Variants in MAEL observed in about 807,000 individuals in gnomAD.
MAEL encodes maelstrom spermatogenic transposon silencer.
Under a neutral mutation model 62.0 loss-of-function variants are expected in MAEL, and 46 were observed. The observed-to-expected ratio is 0.74, with a 90% CI of 0.59 to 0.95. The LOEUF is 0.95. Ranked by LOEUF, MAEL falls within the 40% of genes least tolerant of loss-of-function variation. MAEL has a pLI of 0.00. For synonymous variants in MAEL, 172 were observed against 175.5 expected (o/e 0.98, Z 0.16); for missense variants, 497 against 526.8 (o/e 0.94, Z 0.55).
chr1:167,003,178 T>TTGAG (rs1557979839), intron 5 of MAEL, among the ~76,000 whole-genome samples: 2 of 152,128 alleles, frequency 1.3e-5, no homozygotes, highest in African/African-American at 4.8e-5. Flanking sequence ...AGCCTCAAAC[T>TTGAG]CCTGGCTCAA....
At chr1:166,996,730 T>C (rs1407874898) in intron 5 of MAEL, among the ~76,000 whole-genome samples, 1 of 152,256 alleles carries the variant, frequency 6.6e-6, no homozygotes, top group East Asian at 1.9e-4. Context: ...CATGTACATA[T>C]TTGTTTAAAT....
rs1336440689 is a variant in MAEL at position 166,989,299 on chromosome 1, C to T, written c.-54C>T. The stretch of plus-strand genomic sequence containing the variant: ...TCTGTTACTTAGGGCGGGAGCCCGG[C>T]GAGGGCGCCGGTGCTTTGTTCTGTC... On this transcript the variant is annotated 5_prime_UTR_variant, in exon 1 of 12. Coordinates refer to ENST00000367872, the MANE Select transcript of MAEL (RefSeq NM_032858.3). 15 of 1,568,130 alleles carry T rather than the reference C, an allele frequency of 9.6e-6. No individual in the cohort carries two copies. In the South Asian group the frequency reaches 1.1e-4, roughly 11 times the overall value.
chr1:166,982,511 A>G (rs1321263899), intron 1 of MAEL, among the ~76,000 whole-genome samples: 3 of 152,162 alleles, frequency 2.0e-5, no homozygotes, highest in Admixed American at 2.0e-4. Context: ...TATTATTAGC[A>G]CAGGAGGGAA....
chr1:167,022,143 G>A lies in MAEL; in HGVS notation c.*288G>A. The A allele has an allele frequency of 3.6e-6, 1 of 278,100 alleles. No homozygotes were observed. The highest frequency in any genetic ancestry group is 7.3e-5 in the East Asian group (1 of 13,776). 17.2% of individuals were successfully genotyped at this position (278,100 alleles called of 1,614,324 possible). Reference sequence around the variant, plus strand: ...GACATTTTTAGAGTTGTACTTTTGGGAATGTTATAGATTGATCATTCTTTC... The same window carrying A: ...GACATTTTTAGAGTTGTACTTTTGGAAATGTTATAGATTGATCATTCTTTC... On this transcript the variant is annotated 3_prime_UTR_variant, in exon 12 of 12. Coordinates refer to ENST00000367872, the MANE Select transcript of MAEL (RefSeq NM_032858.3).
In MAEL at chr1:167,004,054, C is replaced by T. The variant is rs557586745; in HGVS notation, c.524-126C>T. 1.5e-3 allele frequency: 1,078 copies of T among 742,006 alleles called. 3 individuals are homozygous for T. Among genetic ancestry groups the T allele is most frequent in the Non-Finnish European group, 2.1e-3 (990 of 463,512 alleles). The allele number at this position is 742,006 out of a possible 1,614,324, so 46.0% of individuals were successfully genotyped here. On this transcript the variant is annotated intron_variant, in intron 5 of 11. Transcript: ENST00000367872. ...AAATATGTAAAATCCTTAACAAAAACGGGGCTTTGTACAAGTACTTAACTG... is the reference window on the plus strand; with the variant it reads ...AAATATGTAAAATCCTTAACAAAAATGGGGCTTTGTACAAGTACTTAACTG...
chr1:166,998,828 T>C (rs1319931662), intron 5 of MAEL, among the ~76,000 whole-genome samples: 1 of 152,238 alleles, frequency 6.6e-6, no homozygotes, highest in Non-Finnish European at 1.5e-5. Flanking sequence ...TACTTTTCTC[T>C]GTGTCACATT....
In MAEL at chr1:166,989,327, A is replaced by G; in HGVS notation, c.-26A>G. The G allele has an allele frequency of 6.2e-7, 1 of 1,603,716 alleles. No homozygotes were observed. Among genetic ancestry groups the G allele is most frequent in the Non-Finnish European group, 8.5e-7 (1 of 1,175,396 alleles). On this transcript the variant is annotated 5_prime_UTR_variant, in exon 1 of 12. Coordinates refer to ENST00000367872, the MANE Select transcript of MAEL (RefSeq NM_032858.3). The stretch of plus-strand genomic sequence containing the variant: ...GGGCGCCGGTGCTTTGTTCTGTCTG[A>G]GGCCAGGAAGTTTGACCGCGCTGCC...
chr1:167,003,544 T>C (rs1664765274), intron 5 of MAEL, among the ~76,000 whole-genome samples: 1 of 152,212 alleles, frequency 6.6e-6, no homozygotes, highest in Admixed American at 6.5e-5. Context: ...GCCTAGAAGC[T>C]GTTAAAAGCA....
intron 5 of MAEL, among the ~76,000 whole-genome samples, chr1:167,003,684 C>G (rs924163190): frequency 1.3e-5 from 2 of 152,296 alleles, no homozygotes; most frequent in Middle Eastern, 3.4e-3. Flanking sequence ...CCTTAATGCT[C>G]TATGTGATCT....
intron 8 of MAEL, among the ~76,000 whole-genome samples, chr1:167,007,629 T>C (rs1664984711): frequency 6.6e-6 from 1 of 151,846 alleles, no homozygotes; most frequent in African/African-American, 2.4e-5. Context: ...TACATCTGTT[T>C]GTAGCTAGGT....
At position 166,989,798 on chromosome 1, in the gene MAEL, A is replaced by G; in HGVS notation, c.194A>G (p.Gln65Arg). ...ATGGCTCGAGAATGGAGGGCCGCTCAGGGAAAGGACCCTGGGCCCTCAGAG... is the reference window on the plus strand; with the variant it reads ...ATGGCTCGAGAATGGAGGGCCGCTCGGGGAAAGGACCCTGGGCCCTCAGAG... ...AEMAREWRAA[Q>R]GKDPGPSEKQ... Residue 65 changes from glutamine (Q) to arginine (R), a missense_variant, in exon 2 of 12, where the codon CAG becomes CGG. Transcript: ENST00000367872. 1 of 1,613,954 alleles carries G rather than the reference A, an allele frequency of 6.2e-7. No individual in the cohort carries two copies. Among genetic ancestry groups the G allele is most frequent in the South Asian group, 1.1e-5 (1 of 90,984 alleles).
At position 166,978,729 on chromosome 1, in the gene MAEL, G is replaced by A. The variant is rs79101701; in HGVS notation, c.-121+3063G>A. Among the ~76,000 whole-genome samples the A allele has an allele frequency of 1.8e-3, 274 of 152,300 alleles. 1 individual carries two copies. Among genetic ancestry groups the A allele is most frequent in the African/African-American group, 6.0e-3 (250 of 41,544 alleles). Reference sequence around the variant, plus strand: ...AGCTGTTGAGCTGATGTTTTCTAATGAGCCTTGTATCTGGTTAAGCTCCAG... The same window carrying A: ...AGCTGTTGAGCTGATGTTTTCTAATAAGCCTTGTATCTGGTTAAGCTCCAG... On this transcript the variant is annotated intron_variant, in intron 1 of 12. Coordinates refer to the MAEL transcript ENST00000622874.
chr1:166,977,635 G>T (rs1308862698), intron 1 of MAEL, among the ~76,000 whole-genome samples: 2 of 152,214 alleles, frequency 1.3e-5, no homozygotes, highest in African/African-American at 4.8e-5. Context: ...AGCTTGAATA[G>T]TGTTTATTAT....
intron 3 of MAEL, 144 bp downstream of exon 3, chr1:166,991,621 A>G (rs1251556349): frequency 1.5e-5 from 8 of 545,078 alleles, no homozygotes; most frequent in Non-Finnish European, 2.3e-5. Flanking sequence ...TACTGACATT[A>G]TAAAAGATTA....
In MAEL at chr1:167,021,094, G is replaced by A; in HGVS notation, c.1051G>A (p.Val351Ile). 1 of 1,611,478 alleles carries A rather than the reference G, an allele frequency of 6.2e-7. No individual in the cohort carries two copies. The highest frequency in any genetic ancestry group is 8.5e-7 in the Non-Finnish European group (1 of 1,178,050). ...LDAGRYQKLR[V>I]GSSGFSHFNS... ...TTCCTGTTACTTACAGAAGCTAAGG[G>A]TTGGGAGTTCAGGATTCTCTCATTT... Residue 351 changes from valine to isoleucine, a missense_variant, in exon 11 of 12, where the codon GTT becomes ATT. By Grantham distance (29) the Val-to-Ile change is conservative. Coordinates refer to ENST00000367872, the MANE Select transcript of MAEL (RefSeq NM_032858.3).
rs749911119 is a variant in MAEL, at chr1:166,992,826, A to G, written c.466A>G (p.Ser156Gly). 1 of 1,596,056 alleles carries G rather than the reference A, an allele frequency of 6.3e-7. No homozygotes were observed. Among genetic ancestry groups the G allele is most frequent in the East Asian group, 2.3e-5 (1 of 44,346 alleles). ...LQEGIMADFH[S>G]FINPGEIPRG... ...AGAAGGTATTATGGCAGATTTCCACAGTTTTATAAATCCTGGTAAGTAGTC... is the reference window on the plus strand; with the variant it reads ...AGAAGGTATTATGGCAGATTTCCACGGTTTTATAAATCCTGGTAAGTAGTC... Residue 156 changes from serine (S) to glycine (G), a missense_variant, in exon 4 of 12, where the codon AGT becomes GGT. Coordinates refer to ENST00000367872, the MANE Select transcript of MAEL (RefSeq NM_032858.3).
chr1:166,999,056 C>T (rs1477318399), intron 5 of MAEL, among the ~76,000 whole-genome samples: 1 of 152,194 alleles, frequency 6.6e-6, no homozygotes, highest in Non-Finnish European at 1.5e-5. Flanking sequence ...TTGGGCCTCA[C>T]TATTCCCTAA....
intron 8 of MAEL, among the ~76,000 whole-genome samples, chr1:167,006,872 G>A (rs1262711803): frequency 1.3e-5 from 2 of 151,528 alleles, no homozygotes; most frequent in Admixed American, 6.6e-5. Flanking sequence ...CTCACCTCAC[G>A]TGATCCACCC....
chr1:166,992,735 G>A lies in MAEL; in HGVS notation c.375G>A (p.Glu125=). The change falls in exon 4 of 12, where the codon GAG becomes GAA. Residue 125 remains glutamate, a synonymous_variant. Coordinates refer to ENST00000367872, the MANE Select transcript of MAEL (RefSeq NM_032858.3). ...FYFLNIFSHG[E]LPPHCEQRFL... ...TTTTGAACATTTTTAGCCATGGCGA[G>A]CTACCTCCTCATTGTGAACAGCGCT... The A allele has an allele frequency of 6.2e-7, 1 of 1,608,088 alleles. No homozygotes were observed. Among genetic ancestry groups the A allele is most frequent in the Non-Finnish European group, 8.5e-7 (1 of 1,178,132 alleles).
Sources: gnomAD v4.1 joint callset for allele counts (sites outside exome capture counted in the v4.1 genomes callset) on GRCh38, gnomAD v4.1.1 for gene constraint, MANE v1.5 for transcripts, NCBI Gene and HGNC (gene_info 2026-07-23, HGNC 2026-07-21) for gene names.